FHIT: variants seen among roughly 807,000 people sequenced by gnomAD.
FHIT encodes the protein bis(5'-adenosyl)-triphosphatase.
A neutral mutation model predicts 17.9 loss-of-function variants in FHIT; 19 were observed. The ratio of observed to expected loss-of-function variants is 1.06; its 90% CI spans 0.74 to 1.56. The LOEUF (loss-of-function observed/expected upper bound fraction) is 1.56. Among genes scored for constraint, FHIT ranks in the 40% most tolerant of loss-of-function variants. FHIT has a pLI of 0.00. For synonymous variants in FHIT, 81 were observed against 69.7 expected (o/e 1.16, Z -0.81); for missense variants, 248 against 189.2 (o/e 1.31, Z -1.82).
At chr3:61,071,889 A>T (rs2106742249) in intron 2 of FHIT, among the ~76,000 whole-genome samples, 1 of 152,334 alleles carries the variant, frequency 6.6e-6, no homozygotes, top group South Asian at 2.1e-4. Flanking sequence ...TTTTCTAAAT[A>T]GTCTCAATGC....
At chr3:59,841,811 G>T (rs1379617042) in intron 8 of FHIT, among the ~76,000 whole-genome samples, 1 of 152,126 alleles carries the variant, frequency 6.6e-6, no homozygotes, top group African/African-American at 2.4e-5. Context: ...CGTGCATTGA[G>T]ACCTATGGGA....
intron 4 of FHIT, among the ~76,000 whole-genome samples, chr3:60,657,811 G>A (rs577592775): frequency 8.5e-5 from 13 of 152,208 alleles, no homozygotes; most frequent in African/African-American, 2.9e-4. Flanking sequence ...CCCTTAGGTG[G>A]TTTAATCACA....
intron 1 of FHIT, among the ~76,000 whole-genome samples, chr3:61,242,523 T>C (rs1453898313): frequency 6.6e-6 from 1 of 152,202 alleles, no homozygotes; most frequent in Non-Finnish European, 1.5e-5. Flanking sequence ...CCTTGTCCTT[T>C]TGTAACCACC....
At chr3:60,049,616 T>C (rs1701792268) in intron 5 of FHIT, among the ~76,000 whole-genome samples, 1 of 152,214 alleles carries the variant, frequency 6.6e-6, no homozygotes, top group African/African-American at 2.4e-5. Flanking sequence ...TTTATGTTGA[T>C]GATATACTGA....
At chr3:60,152,186 C>A (rs867511670) in intron 5 of FHIT, among the ~76,000 whole-genome samples, 13 of 152,222 alleles carry the variant, frequency 8.5e-5, no homozygotes, top group Non-Finnish European at 7.4e-5. Context: ...CAATGAATGG[C>A]AAGCATATTT....
intron 5 of FHIT, among the ~76,000 whole-genome samples, chr3:60,123,970 ATATATATATATAT>A (rs1705382274): frequency 1.6e-4 from 3 of 18,410 alleles, no homozygotes; most frequent in African/African-American, 2.2e-4. Context: ...CACTAAAAAT[ATATATATATATAT>A]ATATATATAT....
intron 5 of FHIT, among the ~76,000 whole-genome samples, chr3:60,128,773 T>C (rs1015124740): frequency 3.3e-5 from 5 of 152,160 alleles, no homozygotes; most frequent in Non-Finnish European, 7.4e-5. Flanking sequence ...GTCCATTCCA[T>C]GTATGCTCAA....
At chr3:61,188,811 A>T (rs1444754146) in intron 2 of FHIT, among the ~76,000 whole-genome samples, 1 of 152,164 alleles carries the variant, frequency 6.6e-6, no homozygotes, top group African/African-American at 2.4e-5. Context: ...CCAGCATATA[A>T]ACAGAACCAA....
At chr3:60,324,782 C>T (rs1469214067) in intron 5 of FHIT, among the ~76,000 whole-genome samples, 1 of 152,086 alleles carries the variant, frequency 6.6e-6, no homozygotes, top group East Asian at 1.9e-4. Flanking sequence ...AAGGTAATCA[C>T]TTTTAACCCT....
intron 5 of FHIT, among the ~76,000 whole-genome samples, chr3:60,462,010 T>G (rs1351569558): frequency 1.3e-5 from 2 of 152,182 alleles, no homozygotes; most frequent in African/African-American, 2.4e-5. Context: ...GGTTGAAGTC[T>G]TCAGTTCGCC....
chr3:60,850,323 T>TTCTCTCTCTCTCTCTCTC (rs3046704), intron 3 of FHIT, among the ~76,000 whole-genome samples: 3 of 120,246 alleles, frequency 2.5e-5, no homozygotes, highest in South Asian at 3.4e-4. Flanking sequence ...GTGTCTGCAC[T>TTCTCTCTCTCTCTCTCTC]TCTCTCTCTC....
chr3:60,240,778 G>A (rs1032563027), intron 5 of FHIT, among the ~76,000 whole-genome samples: 1 of 152,098 alleles, frequency 6.6e-6, no homozygotes, highest in Non-Finnish European at 1.5e-5. Context: ...GCAGGAAGTA[G>A]AATGCTGATG....
intron 5 of FHIT, among the ~76,000 whole-genome samples, chr3:60,124,580 C>A (rs1705455753): frequency 6.6e-6 from 1 of 152,066 alleles, no homozygotes; most frequent in South Asian, 2.1e-4. Context: ...TACACTATAT[C>A]AATATAAGTT....
intron 8 of FHIT, among the ~76,000 whole-genome samples, chr3:59,869,889 C>T (rs1238735256): frequency 6.6e-6 from 1 of 152,080 alleles, no homozygotes; most frequent in Admixed American, 6.6e-5. Flanking sequence ...TCTTTATGGT[C>T]ACCCAAATCT....
At chr3:59,877,053 T>C (rs1461518985) in intron 8 of FHIT, among the ~76,000 whole-genome samples, 2 of 152,184 alleles carry the variant, frequency 1.3e-5, no homozygotes, top group African/African-American at 2.4e-5. Context: ...ACTGTAGTTA[T>C]TGTGTGACCA....
intron 8 of FHIT, among the ~76,000 whole-genome samples, chr3:59,789,272 C>A (rs1052101402): frequency 6.6e-6 from 1 of 152,106 alleles, no homozygotes; most frequent in Non-Finnish European, 1.5e-5. Context: ...GAAGAAAATA[C>A]CAAACATCTT....
chr3:60,030,343 A>G (rs1700949303), intron 5 of FHIT, among the ~76,000 whole-genome samples: 1 of 152,202 alleles, frequency 6.6e-6, no homozygotes, highest in Admixed American at 6.5e-5. Flanking sequence ...ATGTTCCACT[A>G]TAGGCCCTTT....
intron 8 of FHIT, among the ~76,000 whole-genome samples, chr3:59,887,114 G>T (rs1485982515): frequency 3.3e-5 from 5 of 152,164 alleles, no homozygotes; most frequent in Admixed American, 1.3e-4. Flanking sequence ...AAGCAATTGT[G>T]CAGGGATTCC....
chr3:60,282,472 A>G (rs1707507257), intron 5 of FHIT, among the ~76,000 whole-genome samples: 2 of 152,158 alleles, frequency 1.3e-5, no homozygotes, highest in Admixed American at 1.3e-4. Flanking sequence ...AGACTATTCT[A>G]TACGAAACTG....
Sources: allele counts gnomAD v4.1 joint callset (sites outside exome capture counted in the v4.1 genomes callset), GRCh38; gene constraint gnomAD v4.1.1; transcripts MANE v1.5; gene names NCBI Gene and HGNC (gene_info 2026-07-23, HGNC 2026-07-21).